Variants in GPRIN3 observed in about 807,000 individuals in gnomAD.
The protein encoded by GPRIN3 is G protein-regulated inducer of neurite outgrowth 3.
In GPRIN3, 12 loss-of-function variants were observed where a neutral mutation model predicts 13.7. That is an observed-to-expected ratio of 0.87 (90% CI 0.56 to 1.42). GPRIN3 has a LOEUF of 1.42. GPRIN3 is among the 40% of genes most tolerant of loss of function. GPRIN3 has a pLI of 0.00. For synonymous variants in GPRIN3, 377 were observed against 372.7 expected, an observed-to-expected ratio of 1.01 and a Z score of -0.13; for missense variants, 1,009 against 958.7, an observed-to-expected ratio of 1.05 and a Z score of -0.69.
At chr4:89,272,532 CTTCCAT>C (rs1252762001) in intron 1 of GPRIN3, among the ~76,000 whole-genome samples, 1 of 152,178 alleles carries the variant, frequency 6.6e-6, no homozygotes, top group East Asian at 1.9e-4. Flanking sequence ...TTAACTCAAA[CTTCCAT>C]TTCCTCTGAA....
At chr4:89,261,315 T>TA (rs1284507888) in intron 1 of GPRIN3, among the ~76,000 whole-genome samples, 1 of 152,150 alleles carries the variant, frequency 6.6e-6, no homozygotes, top group East Asian at 1.9e-4. Flanking sequence ...GCTGTGACAA[T>TA]AAAAAATGTC....
At chr4:89,290,374 T>A (rs968852011) in intron 1 of GPRIN3, among the ~76,000 whole-genome samples, 41 of 152,094 alleles carry the variant, frequency 2.7e-4, no homozygotes, top group African/African-American at 9.9e-4. Context: ...CTGACTGTTC[T>A]TTCTTTTATT....
rs377227270 is a variant in GPRIN3, at chr4:89,264,939, T to G, written c.-123-14706A>C. 1.1e-4 allele frequency among the ~76,000 whole-genome samples: 16 copies of G among 152,342 alleles called. No homozygotes were observed. In the South Asian group the frequency reaches 3.3e-3, roughly 32 times the overall value. The stretch of plus-strand genomic sequence containing the variant: ...GCAAGATTTTGTCTTTTTTTGCTCA[T>G]TGATACCCTAAGTGCCTAGATCAGG... On this transcript the variant is annotated intron_variant, in intron 1 of 1. Coordinates refer to ENST00000609438, the MANE Select transcript of GPRIN3 (RefSeq NM_198281.3).
Position 89,242,926 on chromosome 4 carries a change from A to G in GPRIN3, c.*4854T>C, listed in dbSNP as rs1034861372. 1 of 152,104 alleles carries G rather than the reference A, an allele frequency of 6.6e-6. No individual in the cohort carries two copies. Among genetic ancestry groups the G allele is most frequent in the African/African-American group, 2.4e-5 (1 of 41,394 alleles). 9.4% of individuals were successfully genotyped at this position (152,104 alleles called of 1,614,324 possible). A position where few individuals can be genotyped will look rare whatever the true frequency, so the allele number is the denominator to read the frequency against. On this transcript the variant is annotated 3_prime_UTR_variant, in exon 2 of 2. Coordinates refer to ENST00000609438, the MANE Select transcript of GPRIN3 (RefSeq NM_198281.3). ...GTTTACTTACCTAACAGCCAAAAAT[A>G]ATGTTTCAGGATTGTTTGTTGCTGC...
intron 1 of GPRIN3, among the ~76,000 whole-genome samples, chr4:89,277,012 T>C (rs1724113252): frequency 1.3e-5 from 2 of 152,312 alleles, no homozygotes; most frequent in South Asian, 2.1e-4. Context: ...TTAATGTCTT[T>C]TTTTTTCCTT....
chr4:89,282,893 G>T (rs1252411896), intron 1 of GPRIN3, among the ~76,000 whole-genome samples: 1 of 152,152 alleles, frequency 6.6e-6, no homozygotes, highest in African/African-American at 2.4e-5. Flanking sequence ...GCCTAATAAA[G>T]ATATAATAAC....
In GPRIN3 at chr4:89,248,619, T is replaced by C; in HGVS notation, c.1492A>G (p.Lys498Glu). 6.2e-7 allele frequency: 1 copy of C among 1,614,120 alleles called. No homozygotes were observed. The highest frequency in any genetic ancestry group is 8.5e-7 in the Non-Finnish European group (1 of 1,179,956). ...TCTGTTTTGTGGCCGTTTGTCGTTTTCTCTGCAAACTCAGATGGCCTGGTT... is the reference window on the plus strand; with the variant it reads ...TCTGTTTTGTGGCCGTTTGTCGTTTCCTCTGCAAACTCAGATGGCCTGGTT... Reference protein sequence around the residue: ...FETRPSEFAEKTTNGHKTDPD... With the variant: ...FETRPSEFAEETTNGHKTDPD... Residue 498 changes from lysine to glutamate, a missense_variant, in exon 2 of 2, where the codon AAA (lysine) becomes GAA (glutamate). Coordinates refer to ENST00000609438, the MANE Select transcript of GPRIN3 (RefSeq NM_198281.3).
Position 89,242,657 on chromosome 4 carries a change from C to A in GPRIN3, c.*5123G>T, listed in dbSNP as rs907878026. ...TGGGTTACAGTCAGTCTTCATAAAGCAAACCATCATTATATAATGGTGTGC... is the reference window on the plus strand; with the variant it reads ...TGGGTTACAGTCAGTCTTCATAAAGAAAACCATCATTATATAATGGTGTGC... On this transcript the variant is annotated 3_prime_UTR_variant, in exon 2 of 2. Coordinates refer to ENST00000609438, the MANE Select transcript of GPRIN3 (RefSeq NM_198281.3). The A allele has an allele frequency of 6.6e-6, 1 of 152,326 alleles. No individual in the cohort carries two copies. Among genetic ancestry groups the A allele is most frequent in the Admixed American group, 6.5e-5 (1 of 15,296 alleles). 9.4% of individuals were successfully genotyped at this position (152,326 alleles called of 1,614,324 possible). A position where few individuals can be genotyped will look rare whatever the true frequency, so the allele number is the denominator to read the frequency against.
Position 89,243,661 on chromosome 4 carries a change from A to C in GPRIN3, c.*4119T>G, listed in dbSNP as rs1723008760. 6.6e-6 allele frequency: 1 copy of C among 152,250 alleles called. No individual in the cohort carries two copies. 9.4% of individuals were successfully genotyped at this position (152,250 alleles called of 1,614,324 possible). A position where few individuals can be genotyped will look rare whatever the true frequency, so the allele number is the denominator to read the frequency against. ...GGGAAATTCACAGGCCTCACTTCTC[A>C]AACACCACTTAGAACAAAGCAGGAG... is the stretch of plus-strand genomic sequence containing the variant. On this transcript the variant is annotated 3_prime_UTR_variant, in exon 2 of 2. Coordinates refer to ENST00000609438, the MANE Select transcript of GPRIN3 (RefSeq NM_198281.3).
chr4:89,278,323 T>A (rs182764355), intron 1 of GPRIN3, among the ~76,000 whole-genome samples: 93 of 152,320 alleles, frequency 6.1e-4, no homozygotes, highest in African/African-American at 2.1e-3. Flanking sequence ...TGTAAAAACA[T>A]GCCATTAGTG....
chr4:89,290,428 G>A (rs1441314276), intron 1 of GPRIN3, among the ~76,000 whole-genome samples: 1 of 152,036 alleles, frequency 6.6e-6, no homozygotes, highest in African/African-American at 2.4e-5. Context: ...AGTGTATCAG[G>A]GACTGGGCTA....
Position 89,249,286 on chromosome 4 carries a change from C to T in GPRIN3, c.825G>A (p.Ser275=), listed in dbSNP as rs200813010. The change falls in exon 2 of 2, where the codon TCG becomes TCA. Residue 275 remains serine, a synonymous_variant. Transcript: ENST00000609438. The part of the protein sequence containing the change: ...PQPTPLTSEP[S]ACPPGPEKVP... The stretch of plus-strand genomic sequence containing the variant: ...CCTTCTCTGGACCTGGGGGACATGC[C>T]GAAGGTTCGCTAGTGAGGGGGGTTG... 5 of 1,614,012 alleles carry T rather than the reference C, an allele frequency of 3.1e-6. No individual in the cohort carries two copies. Among genetic ancestry groups the T allele is most frequent in the Admixed American group, 1.7e-5 (1 of 60,018 alleles).
At chr4:89,295,306 C>A (rs1362797269) in intron 1 of GPRIN3, among the ~76,000 whole-genome samples, 1 of 151,976 alleles carries the variant, frequency 6.6e-6, no homozygotes, top group East Asian at 1.9e-4. Context: ...CATTGAATAT[C>A]TCTTATTTGT....
chr4:89,268,093 T>C (rs1723831757), intron 1 of GPRIN3, among the ~76,000 whole-genome samples: 1 of 152,164 alleles, frequency 6.6e-6, no homozygotes, highest in South Asian at 2.1e-4. Flanking sequence ...TGGGCTTTTG[T>C]GGTGGGCAAT....
rs1183605619 is a variant in GPRIN3 at position 89,245,898 on chromosome 4, G to A, written c.*1882C>T. ...CATAGTATTCTTAATAGACACCAAT[G>A]GGTAAGAAACTGAAAAATGTGCCTT... On this transcript the variant is annotated 3_prime_UTR_variant, in exon 2 of 2. Coordinates refer to ENST00000609438, the MANE Select transcript of GPRIN3 (RefSeq NM_198281.3). 6.6e-6 allele frequency: 1 copy of A among 152,148 alleles called. No homozygotes were observed. Among genetic ancestry groups the A allele is most frequent in the Non-Finnish European group, 1.5e-5 (1 of 68,020 alleles). The allele number at this position is 152,148 out of a possible 1,614,324, so 9.4% of individuals were successfully genotyped here.
intron 1 of GPRIN3, among the ~76,000 whole-genome samples, chr4:89,279,486 C>T (rs1228880719): frequency 6.6e-6 from 1 of 152,124 alleles, no homozygotes; most frequent in African/African-American, 2.4e-5. Context: ...CCTTACAACT[C>T]AACTTCTTAA....
At chr4:89,277,406 ACT>A in intron 1 of GPRIN3, among the ~76,000 whole-genome samples, 1 of 152,198 alleles carries the variant, frequency 6.6e-6, no homozygotes, top group South Asian at 2.1e-4. Context: ...GGAAAGCAGG[ACT>A]GAATGTTTCC....
In GPRIN3 at chr4:89,264,939, T is replaced by A. The variant is rs377227270; in HGVS notation, c.-123-14706A>T. On this transcript the variant is annotated intron_variant, in intron 1 of 1. Coordinates refer to ENST00000609438, the MANE Select transcript of GPRIN3 (RefSeq NM_198281.3). ...GCAAGATTTTGTCTTTTTTTGCTCA[T>A]TGATACCCTAAGTGCCTAGATCAGG... Among the ~76,000 whole-genome samples, 327 of 152,340 alleles carry A rather than the reference T, an allele frequency of 2.1e-3. 20 individuals carry two copies. The South Asian group carries it at 0.066, about 31-fold the overall frequency.
In GPRIN3 at chr4:89,241,113, G is replaced by A. The variant is rs1164787574; in HGVS notation, c.*6667C>T. 6.6e-6 allele frequency: 1 copy of A among 151,948 alleles called. No homozygotes were observed. Among genetic ancestry groups the A allele is most frequent in the African/African-American group, 2.4e-5 (1 of 41,366 alleles). The allele number at this position is 151,948 out of a possible 1,614,324, so 9.4% of individuals were successfully genotyped here. On this transcript the variant is annotated 3_prime_UTR_variant, in exon 2 of 2. Transcript: ENST00000609438. ...GACCTTACCTGTGACTAATGGCATG[G>A]TTACTTAGCCCTGGCATATTTAATA...
Sources: gnomAD v4.1 joint callset for allele counts (sites outside exome capture counted in the v4.1 genomes callset) on GRCh38, gnomAD v4.1.1 for gene constraint, MANE v1.5 for transcripts, NCBI Gene and HGNC (gene_info 2026-07-23, HGNC 2026-07-21) for gene names.